BICRAL: variants seen among roughly 807,000 people sequenced by gnomAD.
BICRAL encodes BRD4-interacting chromatin-remodeling complex-associated protein-like.
In BICRAL, 8 loss-of-function variants were observed where a neutral mutation model predicts 91.8. That is an observed-to-expected ratio of 0.09 (90% CI 0.05 to 0.16). The LOEUF is 0.16. Ranked by LOEUF, BICRAL falls within the 10% of genes least tolerant of loss-of-function variation. The probability of loss-of-function intolerance (pLI) is 1.00; values close to 1 mark genes in which losing one functional copy is unlikely to be tolerated. For missense variants in BICRAL, 1,038 were observed against 1,310.9 expected (o/e 0.79, Z 3.21); for synonymous variants, 445 against 491.1 (o/e 0.91, Z 1.24).
intron 10 of BICRAL, among the ~76,000 whole-genome samples, chr6:42,859,676 C>G (rs140040418): frequency 0.015 from 2,317 of 152,044 alleles, 67 homozygotes; most frequent in African/African-American, 0.052. Flanking sequence ...GAGTCTCATT[C>G]TGTTGCCCAG....
chr6:42,857,614 A>AAAAAAAAAAAAAAAATATATATAT, intron 10 of BICRAL, among the ~76,000 whole-genome samples: 1 of 96,224 alleles, frequency 1.0e-5, no homozygotes, highest in African/African-American at 6.5e-5. Context: ...AAAAAAAAAA[A>AAAAAAAAAAAAAAAATATATATAT]ATATATATAT....
chr6:42,758,059 C>G (rs1320796998), intron 1 of BICRAL, among the ~76,000 whole-genome samples: 1 of 152,208 alleles, frequency 6.6e-6, no homozygotes, highest in Non-Finnish European at 1.5e-5. Context: ...ACCTCCTTCT[C>G]TCTCACTGGT....
At chr6:42,764,784 C>T (rs963250715) in intron 1 of BICRAL, among the ~76,000 whole-genome samples, 2 of 151,960 alleles carry the variant, frequency 1.3e-5, no homozygotes, top group African/African-American at 2.4e-5. Context: ...CTCAGCCTCC[C>T]GAGTAACTGG....
chr6:42,788,665 G>C (rs1470262403), intron 1 of BICRAL, among the ~76,000 whole-genome samples: 1 of 152,176 alleles, frequency 6.6e-6, no homozygotes. Context: ...TTAACTTTCT[G>C]ACGGCTTCTG....
chr6:42,772,240 C>T (rs574614825), intron 1 of BICRAL, among the ~76,000 whole-genome samples: 1 of 151,792 alleles, frequency 6.6e-6, no homozygotes, highest in East Asian at 1.9e-4. Flanking sequence ...TTTTCAAAAA[C>T]CTTTGTTTCA....
chr6:42,837,074 A>C lies in BICRAL; in HGVS notation c.1839+6902A>C, dbSNP rs188914478. ...ATTCTCCTGCCTCAGCCTCCCGAGT[A>C]GCTGGGACTACAGGCGTGTGCCACC... is the stretch of plus-strand genomic sequence containing the variant. On this transcript the variant is annotated intron_variant, in intron 6 of 12. Coordinates refer to ENST00000314073, the MANE Select transcript of BICRAL (RefSeq NM_001393499.1). Among the ~76,000 whole-genome samples the C allele has an allele frequency of 6.0e-3, 914 of 151,926 alleles. 11 individuals carry two copies. Among genetic ancestry groups the C allele is most frequent in the African/African-American group, 0.021 (883 of 41,396 alleles).
At chr6:42,748,298 G>A (rs1353663820) in intron 1 of BICRAL, among the ~76,000 whole-genome samples, 1 of 152,150 alleles carries the variant, frequency 6.6e-6, no homozygotes, top group Non-Finnish European at 1.5e-5. Flanking sequence ...AAAACAACCT[G>A]ACCTTTTAAG....
intron 1 of BICRAL, among the ~76,000 whole-genome samples, chr6:42,788,442 G>A (rs563355441): frequency 1.2e-4 from 18 of 151,936 alleles, no homozygotes; most frequent in East Asian, 3.9e-4. Flanking sequence ...GGCTGGTCTC[G>A]AACTCCTGAC....
intron 1 of BICRAL, among the ~76,000 whole-genome samples, chr6:42,792,832 G>A (rs1763311276): frequency 6.6e-6 from 1 of 151,944 alleles, no homozygotes; most frequent in East Asian, 2.0e-4. Flanking sequence ...AGAATTGTTT[G>A]AATCTGGGAG....
intron 1 of BICRAL, among the ~76,000 whole-genome samples, chr6:42,760,675 G>T (rs1056043419): frequency 1.3e-5 from 2 of 151,952 alleles, no homozygotes; most frequent in African/African-American, 2.4e-5. Context: ...CAGAGAGCTG[G>T]GATTACAGGC....
chr6:42,772,691 G>A (rs1762755065), intron 1 of BICRAL, among the ~76,000 whole-genome samples: 1 of 152,258 alleles, frequency 6.6e-6, no homozygotes, highest in South Asian at 2.1e-4. Context: ...TGCTGATGAA[G>A]GTGTGACACA....
chr6:42,793,538 C>T (rs1454277319), intron 1 of BICRAL, among the ~76,000 whole-genome samples: 1 of 151,544 alleles, frequency 6.6e-6, no homozygotes, highest in Non-Finnish European at 1.5e-5. Context: ...ATCCACCAGC[C>T]TTGGCCTCCC....
At position 42,748,050 on chromosome 6, in the gene BICRAL, C is replaced by T. The variant is rs1762314189; in HGVS notation, c.-261+1027C>T. 2.6e-5 allele frequency among the ~76,000 whole-genome samples: 4 copies of T among 150,964 alleles called. No homozygotes were observed. The South Asian group carries it at 6.3e-4, about 24-fold the overall frequency. ...AACTCCCGACCTCAGGTGATGCGCC[C>T]GCCTCGGCCTCCCATAGTGCCGGGA... On this transcript the variant is annotated intron_variant, in intron 1 of 14. Transcript: ENST00000614467.
chr6:42,759,190 C>G (rs562044627), intron 1 of BICRAL, among the ~76,000 whole-genome samples: 1 of 152,246 alleles, frequency 6.6e-6, no homozygotes, highest in African/African-American at 2.4e-5. Context: ...AAGTGGAGAT[C>G]AGAGATGAAG....
intron 1 of BICRAL, among the ~76,000 whole-genome samples, chr6:42,790,131 AG>A (rs1382503300): frequency 6.6e-6 from 1 of 152,072 alleles, no homozygotes; most frequent in African/African-American, 2.4e-5. Context: ...ATTACAGAAC[AG>A]GGAAGGAGAG....
intron 7 of BICRAL, chr6:42,852,456 G>A (rs187507716): frequency 1.7e-6 from 1 of 586,854 alleles, no homozygotes; most frequent in Non-Finnish European, 3.2e-6. Context: ...GAGATCAGGA[G>A]TTCAAGACCA....
chr6:42,838,395 G>T (rs1156334694), intron 6 of BICRAL, among the ~76,000 whole-genome samples: 1 of 152,132 alleles, frequency 6.6e-6, no homozygotes, highest in African/African-American at 2.4e-5. Flanking sequence ...GTTTGGGCAA[G>T]ACACATGTTG....
chr6:42,765,415 A>G (rs978768094), intron 1 of BICRAL, among the ~76,000 whole-genome samples: 2 of 152,136 alleles, frequency 1.3e-5, no homozygotes, highest in Non-Finnish European at 2.9e-5. Context: ...CTGAGGCGCA[A>G]ATTCAAGTAC....
At chr6:42,794,054 GA>G (rs1041075077) in intron 1 of BICRAL, among the ~76,000 whole-genome samples, 1 of 151,202 alleles carries the variant, frequency 6.6e-6, no homozygotes, top group African/African-American at 2.4e-5. Flanking sequence ...CAGATTAAAA[GA>G]AAAAATTTGA....
Sources: allele counts gnomAD v4.1 joint callset (sites outside exome capture counted in the v4.1 genomes callset), GRCh38; gene constraint gnomAD v4.1.1; transcripts MANE v1.5; gene names NCBI Gene and HGNC (gene_info 2026-07-23, HGNC 2026-07-21).